TMEM45A: variants seen among roughly 807,000 people sequenced by gnomAD.
TMEM45A encodes transmembrane protein 45A.
In TMEM45A, 25 loss-of-function variants were observed where a neutral mutation model predicts 32.0. That is an observed-to-expected ratio of 0.78 (90% CI 0.57 to 1.09). The LOEUF (loss-of-function observed/expected upper bound fraction) is 1.09, where lower values mean the gene tolerates loss of function less well. TMEM45A is among the 50% of genes least tolerant of loss of function. The pLI, the probability that TMEM45A is intolerant of heterozygous loss-of-function variation, is 0.00. For missense variants in TMEM45A, 302 were observed against 325.0 expected (o/e 0.93, Z 0.54); for synonymous variants, 122 against 114.8 (o/e 1.06, Z -0.40).
At chr3:100,539,444 T>C (rs59989288) in intron 1 of TMEM45A, among the ~76,000 whole-genome samples, 14,924 of 88,814 alleles carry the variant, frequency 0.17, 1,071 homozygotes, top group Middle Eastern at 0.2. Context: ...TATGTATATG[T>C]ATATGTATAT....
intron 1 of TMEM45A, among the ~76,000 whole-genome samples, chr3:100,506,099 G>A (rs578137123): frequency 2.4e-4 from 37 of 152,246 alleles, no homozygotes; most frequent in African/African-American, 8.7e-4. Context: ...CTTGTGGGGG[G>A]AAGAGAACAG....
intron 1 of TMEM45A, among the ~76,000 whole-genome samples, chr3:100,520,610 C>A (rs1275421699): frequency 6.6e-6 from 1 of 152,160 alleles, no homozygotes; most frequent in Non-Finnish European, 1.5e-5. Context: ...CTCTTGTACG[C>A]CCCACACAAA....
In TMEM45A at chr3:100,495,992, A is replaced by G. The variant is rs1312125084; in HGVS notation, c.-4+3064A>G. ...TCATAACTTACAATTATTGAAGTAGATAAGAACTGTAATATGCACTTAAGT... is the reference window on the plus strand; with the variant it reads ...TCATAACTTACAATTATTGAAGTAGGTAAGAACTGTAATATGCACTTAAGT... On this transcript the variant is annotated intron_variant, in intron 1 of 5. Coordinates refer to ENST00000323523, the MANE Select transcript of TMEM45A (RefSeq NM_018004.3). 2.6e-5 allele frequency among the ~76,000 whole-genome samples: 4 copies of G among 152,318 alleles called. No individual in the cohort carries two copies. In the East Asian group the frequency reaches 5.8e-4, roughly 22 times the overall value.
chr3:100,535,839 G>A (rs572353710), intron 1 of TMEM45A, among the ~76,000 whole-genome samples: 1 of 152,212 alleles, frequency 6.6e-6, no homozygotes, highest in Non-Finnish European at 1.5e-5. Context: ...ATTAGTTGCT[G>A]TACCTTATCT....
At chr3:100,544,448 T>C (rs1295897696) in intron 1 of TMEM45A, among the ~76,000 whole-genome samples, 1 of 152,192 alleles carries the variant, frequency 6.6e-6, no homozygotes, top group African/African-American at 2.4e-5. Context: ...TATGGTTGTC[T>C]AATTATTGTC....
At chr3:100,523,645 T>A (rs995561810) in intron 1 of TMEM45A, among the ~76,000 whole-genome samples, 69 of 151,838 alleles carry the variant, frequency 4.5e-4, no homozygotes, top group African/African-American at 1.7e-3. Context: ...CTCCTCTTCC[T>A]CCTCCTCCTC....
intron 1 of TMEM45A, among the ~76,000 whole-genome samples, chr3:100,498,510 T>A (rs545413884): frequency 6.6e-6 from 1 of 152,282 alleles, no homozygotes; most frequent in South Asian, 2.1e-4. Context: ...ACCCTGTAGG[T>A]TTTGGACTTG....
Position 100,558,437 on chromosome 3 carries a change from G to A in TMEM45A, c.436G>A (p.Glu146Lys), listed in dbSNP as rs754033268. The change falls in exon 4 of 6, where the codon GAA becomes AAA. Residue 146 changes from glutamate (E) to lysine (K), a missense_variant. Physicochemically the swap from Glu to Lys is moderately conservative, Grantham distance 56. Coordinates refer to ENST00000323523, the MANE Select transcript of TMEM45A (RefSeq NM_018004.3). ...CTTCTACAACCACACTCATGGCCGGGAAATGCTGGACATCTTTGTGCACCA... is the reference window on the plus strand; with the variant it reads ...CTTCTACAACCACACTCATGGCCGGAAAATGCTGGACATCTTTGTGCACCA... ...FIFYNHTHGR[E>K]MLDIFVHQLL... The A allele has an allele frequency of 1.2e-5, 20 of 1,613,710 alleles. No homozygotes were observed. In the East Asian group the frequency reaches 3.6e-4, roughly 29 times the overall value.
chr3:100,562,129 T>A (rs1706348355), intron 4 of TMEM45A, among the ~76,000 whole-genome samples: 1 of 152,100 alleles, frequency 6.6e-6, no homozygotes, highest in Non-Finnish European at 1.5e-5. Context: ...ATTTGAAATG[T>A]GATACTAATG....
In TMEM45A at chr3:100,498,960, G is replaced by T. The variant is rs368014732; in HGVS notation, c.-4+6032G>T. Among the ~76,000 whole-genome samples, 8 of 152,196 alleles carry T rather than the reference G, an allele frequency of 5.3e-5. No individual in the cohort carries two copies. In the East Asian group the frequency reaches 1.4e-3, roughly 26 times the overall value. On this transcript the variant is annotated intron_variant, in intron 1 of 5. Transcript: ENST00000323523. Reference sequence around the variant, plus strand: ...AAGCATCTTGTTGTGGTTTTGATTTGCATTTCCCTAATGTTTAGTGATGTT... The same window carrying T: ...AAGCATCTTGTTGTGGTTTTGATTTTCATTTCCCTAATGTTTAGTGATGTT...
At chr3:100,495,577 G>A (rs1182780010) in intron 1 of TMEM45A, among the ~76,000 whole-genome samples, 1 of 152,158 alleles carries the variant, frequency 6.6e-6, no homozygotes, top group Non-Finnish European at 1.5e-5. Flanking sequence ...ATGGCAAGCC[G>A]AACTGTCAGC....
At chr3:100,568,026 C>G (rs1476533767) in intron 4 of TMEM45A, among the ~76,000 whole-genome samples, 1 of 152,130 alleles carries the variant, frequency 6.6e-6, no homozygotes, top group Non-Finnish European at 1.5e-5. Flanking sequence ...ACCTCATGAT[C>G]CACCCACCTC....
intron 1 of TMEM45A, among the ~76,000 whole-genome samples, chr3:100,518,374 A>C (rs1160244084): frequency 1.3e-5 from 2 of 152,212 alleles, no homozygotes; most frequent in African/African-American, 4.8e-5. Flanking sequence ...CTCCTTTAAC[A>C]GAAGGTTTGC....
chr3:100,500,319 G>A (rs957865418), intron 1 of TMEM45A, among the ~76,000 whole-genome samples: 1 of 152,088 alleles, frequency 6.6e-6, no homozygotes, highest in Admixed American at 6.5e-5. Context: ...CAGAGATCTC[G>A]TGAACATACT....
intron 5 of TMEM45A, among the ~76,000 whole-genome samples, chr3:100,576,501 T>C (rs1197731772): frequency 6.6e-6 from 1 of 151,928 alleles, no homozygotes; most frequent in East Asian, 1.9e-4. Flanking sequence ...ATGCCTCTAA[T>C]TCCAGCTACT....
At chr3:100,516,050 A>T (rs908467766) in intron 1 of TMEM45A, among the ~76,000 whole-genome samples, 6 of 152,222 alleles carry the variant, frequency 3.9e-5, no homozygotes, top group Admixed American at 2.6e-4. Context: ...GATATCCCAG[A>T]TACTCTAACT....
At chr3:100,542,375 C>T (rs1482519430) in intron 1 of TMEM45A, among the ~76,000 whole-genome samples, 1 of 152,130 alleles carries the variant, frequency 6.6e-6, no homozygotes, top group African/African-American at 2.4e-5. Context: ...CTAGGAAACA[C>T]CATTCTGGAT....
chr3:100,512,789 G>T (rs1384457108), intron 1 of TMEM45A, among the ~76,000 whole-genome samples: 2 of 150,558 alleles, frequency 1.3e-5, no homozygotes, highest in Non-Finnish European at 3.0e-5. Context: ...ATGATAAAGG[G>T]GATATCACCA....
intron 1 of TMEM45A, among the ~76,000 whole-genome samples, chr3:100,514,683 A>G (rs1024594584): frequency 3.3e-5 from 5 of 152,232 alleles, no homozygotes; most frequent in Non-Finnish European, 7.3e-5. Flanking sequence ...ATCAGAGTGA[A>G]CAGGCAACCT....
Sources: gnomAD v4.1 joint callset for allele counts (sites outside exome capture counted in the v4.1 genomes callset) on GRCh38, gnomAD v4.1.1 for gene constraint, MANE v1.5 for transcripts, NCBI Gene and HGNC (gene_info 2026-07-23, HGNC 2026-07-21) for gene names.